IFT80: variants seen among roughly 807,000 people sequenced by gnomAD.
IFT80 encodes the protein intraflagellar transport 80, also known as intraflagellar transport protein 80 homolog.
A neutral mutation model predicts 107.9 loss-of-function variants in IFT80; 79 were observed. The ratio of observed to expected loss-of-function variants is 0.73; its 90% CI spans 0.61 to 0.88. IFT80 has a LOEUF of 0.88. IFT80 is among the 40% of genes least tolerant of loss of function. The probability of loss-of-function intolerance (pLI) is 0.00; values close to 1 mark genes in which losing one functional copy is unlikely to be tolerated. For synonymous variants in IFT80, 299 were observed against 300.9 expected (o/e 0.99, Z 0.07); for missense variants, 797 against 914.2 (o/e 0.87, Z 1.65).
chr3:160,288,339 A>G (rs1438810619), intron 12 of IFT80, among the ~76,000 whole-genome samples: 5 of 152,206 alleles, frequency 3.3e-5, no homozygotes, highest in African/African-American at 4.8e-5. Context: ...TTTCAAAAAC[A>G]AAAAACAACA....
At chr3:160,381,245 T>TATATATATATATATATATATATATATAC in intron 3 of IFT80, among the ~76,000 whole-genome samples, 1 of 133,162 alleles carries the variant, frequency 7.5e-6, no homozygotes, top group Non-Finnish European at 1.7e-5. Context: ...TCTAAATATA[T>TATATATATATATATATATATATATATAC]ATATATATAT....
chr3:160,321,499 T>C (rs1718213461), intron 8 of IFT80, among the ~76,000 whole-genome samples: 2 of 151,956 alleles, frequency 1.3e-5, no homozygotes, highest in African/African-American at 4.8e-5. Flanking sequence ...TCCTTAACCA[T>C]GGGGATAAGT....
At chr3:160,388,792 T>A (rs947644087) in intron 1 of IFT80, among the ~76,000 whole-genome samples, 1 of 151,974 alleles carries the variant, frequency 6.6e-6, no homozygotes, top group Non-Finnish European at 1.5e-5. Context: ...CCCTTAAATG[T>A]AGAAGAGGGA....
At chr3:160,319,486 T>C (rs1216793453) in intron 9 of IFT80, among the ~76,000 whole-genome samples, 1 of 152,022 alleles carries the variant, frequency 6.6e-6, no homozygotes, top group Non-Finnish European at 1.5e-5. Flanking sequence ...TTTTCTCTCC[T>C]TCCCTCACTG....
intron 5 of IFT80, among the ~76,000 whole-genome samples, chr3:160,371,973 C>CA (rs1452237567): frequency 6.6e-6 from 1 of 152,078 alleles, no homozygotes; most frequent in African/African-American, 2.4e-5. Flanking sequence ...TAATAAGGAA[C>CA]AATAAACTCC....
intron 8 of IFT80, among the ~76,000 whole-genome samples, chr3:160,330,042 C>T (rs1355545523): frequency 6.6e-6 from 1 of 152,174 alleles, no homozygotes; most frequent in Non-Finnish European, 1.5e-5. Context: ...ATGGACCCTA[C>T]CCCAAGCTAT....
intron 8 of IFT80, among the ~76,000 whole-genome samples, chr3:160,352,994 C>T (rs62272193): frequency 0.046 from 6,930 of 152,112 alleles, 227 homozygotes; most frequent in Middle Eastern, 0.078. Context: ...AGTATGCTTC[C>T]CCAAAAATGC....
At chr3:160,329,227 A>T (rs564098779) in intron 8 of IFT80, among the ~76,000 whole-genome samples, 1 of 152,292 alleles carries the variant, frequency 6.6e-6, no homozygotes, top group East Asian at 1.9e-4. Flanking sequence ...AATAAAAAAG[A>T]TCTATTTATC....
At chr3:160,347,240 G>A (rs1429771924) in intron 8 of IFT80, among the ~76,000 whole-genome samples, 1 of 152,018 alleles carries the variant, frequency 6.6e-6, no homozygotes, top group African/African-American at 2.4e-5. Flanking sequence ...AGGCAGGTAA[G>A]CAAAAATGCC....
chr3:160,322,207 C>T (rs1003799121), intron 8 of IFT80, among the ~76,000 whole-genome samples: 2 of 145,432 alleles, frequency 1.4e-5, no homozygotes, highest in African/African-American at 2.6e-5. Flanking sequence ...CACAACAGTC[C>T]CCAGAGTGTG....
At chr3:160,280,491 T>C (rs1435508054) in intron 15 of IFT80, among the ~76,000 whole-genome samples, 176 bp downstream of exon 15, 1 of 152,184 alleles carries the variant, frequency 6.6e-6, no homozygotes, top group African/African-American at 2.4e-5. Flanking sequence ...CATACCACAC[T>C]TTCAACTTGA....
At chr3:160,268,680 T>C in intron 18 of IFT80, 144 bp from the exon 19 acceptor site, 1 of 786,460 alleles carries the variant, frequency 1.3e-6, no homozygotes, top group Non-Finnish European at 2.1e-6. Flanking sequence ...CTCATCCATC[T>C]TGCAAATTCC....
chr3:160,395,765 G>A (rs897138554), intron 1 of IFT80, among the ~76,000 whole-genome samples: 4 of 152,150 alleles, frequency 2.6e-5, no homozygotes, highest in Non-Finnish European at 5.9e-5. Flanking sequence ...CCAAATCCTT[G>A]TGTCTTTGTC....
intron 5 of IFT80, 27 bp from the exon 6 acceptor site, chr3:160,366,179 AGGCT>A: frequency 6.7e-7 from 1 of 1,501,488 alleles, no homozygotes; most frequent in Non-Finnish European, 9.3e-7. Context: ...GAAAAAAAAA[AGGCT>A]GATAAACTTT....
At chr3:160,378,440 C>T (rs936681833) in intron 3 of IFT80, among the ~76,000 whole-genome samples, 1 of 151,854 alleles carries the variant, frequency 6.6e-6, no homozygotes, top group Non-Finnish European at 1.5e-5. Context: ...ATTGAAAGGG[C>T]CTTGAAGCAA....
At chr3:160,279,623 T>A (rs769995465) in intron 15 of IFT80, among the ~76,000 whole-genome samples, 1 of 152,180 alleles carries the variant, frequency 6.6e-6, no homozygotes, top group Non-Finnish European at 1.5e-5. Context: ...GTAGCAAAAA[T>A]TATTACATAT....
At chr3:160,330,543 G>A (rs1313482759) in intron 8 of IFT80, among the ~76,000 whole-genome samples, 3 of 152,110 alleles carry the variant, frequency 2.0e-5, no homozygotes, top group African/African-American at 7.2e-5. Context: ...ATAATACAAA[G>A]CAGTGGTTTT....
intron 10 of IFT80, among the ~76,000 whole-genome samples, chr3:160,307,447 C>T (rs1193553713): frequency 6.6e-6 from 1 of 152,200 alleles, no homozygotes; most frequent in Non-Finnish European, 1.5e-5. Context: ...TTGCGCCTCG[C>T]TTGTCTATTA....
At chr3:160,301,573 G>C (rs557818978) in intron 11 of IFT80, among the ~76,000 whole-genome samples, 3 of 152,030 alleles carry the variant, frequency 2.0e-5, no homozygotes, top group East Asian at 3.9e-4. Flanking sequence ...TAAGGCAGTT[G>C]TGACTTTAAA....
Sources: allele counts gnomAD v4.1 joint callset (sites outside exome capture counted in the v4.1 genomes callset), GRCh38; gene constraint gnomAD v4.1.1; transcripts MANE v1.5; gene names NCBI Gene and HGNC (gene_info 2026-07-23, HGNC 2026-07-21).